Variants in FAM53B observed in about 807,000 individuals in gnomAD.
FAM53B encodes protein FAM53B.
Under a neutral mutation model 32.7 loss-of-function variants are expected in FAM53B, and 12 were observed. That is an observed-to-expected ratio of 0.37 (90% CI 0.24 to 0.59). The LOEUF is 0.59. Among genes scored for constraint, FAM53B ranks in the 20% least tolerant of loss-of-function variants. The probability of loss-of-function intolerance (pLI) is 0.72; values close to 1 mark genes in which losing one functional copy is unlikely to be tolerated. For missense variants in FAM53B, 477 were observed against 577.7 expected, an observed-to-expected ratio of 0.83 and a Z score of 1.79; for synonymous variants, 234 against 228.7, an observed-to-expected ratio of 1.02 and a Z score of -0.21.
In FAM53B at chr10:124,627,741, C is replaced by G. The variant is rs577935607; in HGVS notation, c.907-4137G>C. On this transcript the variant is annotated intron_variant, in intron 4 of 4. Transcript: ENST00000337318. Reference sequence around the variant, plus strand: ...CCATCAGACCCCCTAGACCTCAGCTCTAGCCACCAAAGAGGCCCTGGCCAT... The same window carrying G: ...CCATCAGACCCCCTAGACCTCAGCTGTAGCCACCAAAGAGGCCCTGGCCAT... Among the ~76,000 whole-genome samples the G allele has an allele frequency of 1.1e-4, 16 of 152,316 alleles. No individual in the cohort carries two copies. In the South Asian group the frequency reaches 3.1e-3, roughly 30 times the overall value.
intron 4 of FAM53B, among the ~76,000 whole-genome samples, chr10:124,638,409 G>C (rs572781075): frequency 2.0e-5 from 3 of 152,060 alleles, no homozygotes; most frequent in Non-Finnish European, 4.4e-5. Flanking sequence ...CACTGGGACC[G>C]GTGCTTCCTT....
At position 124,624,952 on chromosome 10, in the gene FAM53B, G is replaced by T. The variant is rs141479015; in HGVS notation, c.907-1348C>A. On this transcript the variant is annotated intron_variant, in intron 4 of 4. Coordinates refer to ENST00000337318, the MANE Select transcript of FAM53B (RefSeq NM_014661.4). ...AGAGCTGCGCACAGAGGGCAGGGGG[G>T]AATTCCAGCCTTTAGTTTCTTCCCA... is the stretch of plus-strand genomic sequence containing the variant. 1.8e-4 allele frequency among the ~76,000 whole-genome samples: 28 copies of T among 152,314 alleles called. No homozygotes were observed. In the East Asian group the frequency reaches 5.2e-3, roughly 28 times the overall value.
At chr10:124,710,687 G>T (rs1949995772) in intron 1 of FAM53B, among the ~76,000 whole-genome samples, 1 of 152,248 alleles carries the variant, frequency 6.6e-6, no homozygotes, top group Non-Finnish European at 1.5e-5. Flanking sequence ...CCCTGCCATG[G>T]TCTAGTGGGT....
chr10:124,740,562 C>T (rs1203526415), intron 1 of FAM53B, among the ~76,000 whole-genome samples: 1 of 152,128 alleles, frequency 6.6e-6, no homozygotes, highest in Non-Finnish European at 1.5e-5. Context: ...TTAATGGGGT[C>T]AGCTATTACA....
chr10:124,735,940 T>C (rs1009145860), intron 1 of FAM53B, among the ~76,000 whole-genome samples: 10 of 152,226 alleles, frequency 6.6e-5, no homozygotes, highest in African/African-American at 2.2e-4. Flanking sequence ...TTGCCCTCGA[T>C]GATACAGAAT....
At chr10:124,641,385 C>T (rs1023588849) in intron 4 of FAM53B, among the ~76,000 whole-genome samples, 1 of 152,242 alleles carries the variant, frequency 6.6e-6, no homozygotes, top group African/African-American at 2.4e-5. Context: ...GACAGGGCCC[C>T]AGCCTCTGGC....
chr10:124,623,809 GAC>G (rs956205630), intron 4 of FAM53B: 4 of 558,766 alleles, frequency 7.2e-6, no homozygotes, highest in African/African-American at 3.9e-5. Flanking sequence ...TGCTCATAAA[GAC>G]ACGCGCAATT....
intron 4 of FAM53B, among the ~76,000 whole-genome samples, chr10:124,638,964 C>A (rs1949452953): frequency 1.3e-5 from 2 of 152,220 alleles, no homozygotes; most frequent in Admixed American, 1.3e-4. Context: ...CCCCACAGGA[C>A]CTGCTGGAGA....
intron 4 of FAM53B, among the ~76,000 whole-genome samples, chr10:124,626,400 C>CG (rs1038566805): frequency 6.8e-6 from 1 of 146,744 alleles, no homozygotes; most frequent in Non-Finnish European, 1.5e-5. Flanking sequence ...CCCCCCCCCC[C>CG]CCACCATTCC....
Position 124,682,242 on chromosome 10 carries a change from T to C in FAM53B, c.271A>G (p.Ser91Gly). The C allele has an allele frequency of 1.2e-6, 2 of 1,614,116 alleles. No homozygotes were observed. The highest frequency in any genetic ancestry group is 1.7e-6 in the Non-Finnish European group (2 of 1,179,998). ...REAVTACAVT[S>G]LIKDLSISDH... Reference sequence around the variant, plus strand: ...CTGATGCTGAGGTCTTTGATCAGACTGGTCACAGCGCAGGCGGTCACTGCC... The same window carrying C: ...CTGATGCTGAGGTCTTTGATCAGACCGGTCACAGCGCAGGCGGTCACTGCC... The change falls in exon 4 of 5, where the codon AGT (serine) becomes GGT (glycine). Residue 91 changes from serine (S) to glycine (G), a missense_variant. By Grantham distance (56) the Ser-to-Gly change is moderately conservative. Transcript: ENST00000337318. The surrounding 1 kb of genome is among the most constrained non-coding windows in gnomAD (Gnocchi z 5.2).
chr10:124,679,288 G>A (rs942846719), intron 4 of FAM53B, among the ~76,000 whole-genome samples: 16 of 152,292 alleles, frequency 1.1e-4, no homozygotes, highest in Admixed American at 2.0e-4. Context: ...GCCACAGCAC[G>A]CAGAGGCTGG....
At chr10:124,727,316 C>G (rs1244060696) in intron 1 of FAM53B, among the ~76,000 whole-genome samples, 1 of 101,642 alleles carries the variant, frequency 9.8e-6, no homozygotes, top group Non-Finnish European at 1.8e-5. Flanking sequence ...CTAGGTGAAG[C>G]ACCTGAGTGA....
At chr10:124,735,047 G>C in intron 1 of FAM53B, among the ~76,000 whole-genome samples, 1 of 152,170 alleles carries the variant, frequency 6.6e-6, no homozygotes, top group East Asian at 1.9e-4. Context: ...GGCCGAGCTG[G>C]GGGCAGGCGC....
chr10:124,694,290 T>A (rs1252073878), intron 3 of FAM53B, among the ~76,000 whole-genome samples: 2 of 152,230 alleles, frequency 1.3e-5, no homozygotes, highest in African/African-American at 2.4e-5. Context: ...GCGTAGTCCC[T>A]CCTGGAAACC....
chr10:124,660,153 T>C (rs190588459), intron 4 of FAM53B, among the ~76,000 whole-genome samples: 218 of 152,332 alleles, frequency 1.4e-3, no homozygotes, highest in Non-Finnish European at 2.7e-3. Flanking sequence ...AGAAGCCCAG[T>C]GCTGCCCTCG....
chr10:124,716,513 G>A (rs1950039047), intron 1 of FAM53B, among the ~76,000 whole-genome samples: 1 of 152,182 alleles, frequency 6.6e-6, no homozygotes, highest in South Asian at 2.1e-4. Flanking sequence ...GGACATAAAA[G>A]TGCTGGGATC....
At chr10:124,686,637 A>G (rs751737722) in intron 3 of FAM53B, among the ~76,000 whole-genome samples, 1 of 152,192 alleles carries the variant, frequency 6.6e-6, no homozygotes, top group Non-Finnish European at 1.5e-5. Flanking sequence ...GTACACATCT[A>G]CTTCTCCTCC....
intron 4 of FAM53B, among the ~76,000 whole-genome samples, chr10:124,671,533 G>A (rs891539485): frequency 6.6e-6 from 1 of 152,258 alleles, no homozygotes; most frequent in African/African-American, 2.4e-5. Context: ...GCTGATCCAG[G>A]AGGCCTGCCT....
chr10:124,724,422 C>T (rs2363339), intron 1 of FAM53B, among the ~76,000 whole-genome samples: 29,532 of 152,098 alleles, frequency 0.19, 3,349 homozygotes, highest in Non-Finnish European at 0.25. Flanking sequence ...GGGAGCTCTG[C>T]GCACCGGACA....
Sources: gnomAD v4.1 joint callset for allele counts (sites outside exome capture counted in the v4.1 genomes callset) on GRCh38, gnomAD v4.1.1 for gene constraint, Gnocchi (gnomAD v3.1) non-coding constraint, MANE v1.5 for transcripts, NCBI Gene and HGNC (gene_info 2026-07-23, HGNC 2026-07-21) for gene names.